TMC1: variants seen among roughly 807,000 people sequenced by gnomAD.
TMC1 encodes the protein transmembrane channel like 1.
A neutral mutation model predicts 105.8 loss-of-function variants in TMC1; 84 were observed. The observed-to-expected ratio is 0.79, with a 90% CI of 0.67 to 0.95. The LOEUF is 0.95. TMC1 is among the 40% of genes least tolerant of loss of function. The pLI is 0.00. For missense variants in TMC1, 817 were observed against 914.1 expected (o/e 0.89, Z 1.37); for synonymous variants, 315 against 311.5 (o/e 1.01, Z -0.12).
intron 12 of TMC1, among the ~76,000 whole-genome samples, chr9:72,755,136 A>T (rs1380873368): frequency 4.0e-5 from 6 of 151,820 alleles, no homozygotes; most frequent in Non-Finnish European, 7.4e-5. Flanking sequence ...GAAAGAAAGA[A>T]ACATGTCCCT....
intron 2 of TMC1, among the ~76,000 whole-genome samples, chr9:72,592,494 T>A (rs1251579204): frequency 1.3e-5 from 2 of 152,194 alleles, no homozygotes; most frequent in Admixed American, 6.5e-5. Context: ...TGCTGTGAGC[T>A]CTCCTTGGGA....
intron 13 of TMC1, among the ~76,000 whole-genome samples, chr9:72,775,153 G>A (rs1373073047): frequency 1.3e-5 from 2 of 152,092 alleles, no homozygotes; most frequent in South Asian, 2.1e-4. Context: ...TGAAAGTCTT[G>A]CATTTGAGAA....
rs144510692 is a variant in TMC1 at position 72,768,738 on chromosome 9, C to T, written c.742-3675C>T. 4.6e-3 allele frequency among the ~76,000 whole-genome samples: 706 copies of T among 152,178 alleles called. 6 individuals carry two copies. The highest frequency in any genetic ancestry group is 0.015 in the African/African-American group (626 of 41,522). On this transcript the variant is annotated intron_variant, in intron 12 of 23. Transcript: ENST00000297784. The stretch of plus-strand genomic sequence containing the variant: ...GTACCTATGCCAGATGAGCTGGCTG[C>T]CCCCAGTAGCTATTGTGCTAACCTA...
chr9:72,581,071 A>G (rs979297217), intron 2 of TMC1, among the ~76,000 whole-genome samples: 1 of 152,238 alleles, frequency 6.6e-6, no homozygotes, highest in Non-Finnish European at 1.5e-5. Flanking sequence ...TAACTTCAAA[A>G]GAATTTTTAT....
At chr9:72,790,574 T>A (rs1360775473) in intron 15 of TMC1, among the ~76,000 whole-genome samples, 11 of 152,148 alleles carry the variant, frequency 7.2e-5, no homozygotes, top group Non-Finnish European at 1.6e-4. Flanking sequence ...TTGGTTATGT[T>A]TTTGTATAAA....
intron 20 of TMC1, among the ~76,000 whole-genome samples, chr9:72,825,042 A>G (rs760355088): frequency 5.9e-5 from 9 of 152,232 alleles, no homozygotes; most frequent in Non-Finnish European, 1.2e-4. Context: ...TGCTTTATGC[A>G]TCTATTTTTC....
intron 13 of TMC1, among the ~76,000 whole-genome samples, chr9:72,781,074 C>A (rs1828087631): frequency 6.6e-6 from 1 of 152,156 alleles, no homozygotes; most frequent in Admixed American, 6.6e-5. Flanking sequence ...ACTCATAAAG[C>A]AATTCTCAGC....
rs1307556703 is a variant in TMC1 at position 72,791,896 on chromosome 9, T to A, written c.1235T>A (p.Val412Asp). 1 of 1,612,316 alleles carries A rather than the reference T, an allele frequency of 6.2e-7. No individual in the cohort carries two copies. The highest frequency in any genetic ancestry group is 1.3e-5 in the African/African-American group (1 of 74,900). ...GWWEKNEMNMVMSLLGMFCPT... is the reference protein window; with the variant it reads ...GWWEKNEMNMDMSLLGMFCPT... ...TGTGCCTCCTTGTAGATGAACATGG[T>A]TATGTCCCTCCTAGGGATGTTCTGT... The change falls in exon 16 of 24, where the codon GTT becomes GAT. Residue 412 changes from valine (V) to aspartate (D), a missense_variant. Physicochemically the swap from Val to Asp is radical, Grantham distance 152. Coordinates refer to ENST00000297784, the MANE Select transcript of TMC1 (RefSeq NM_138691.3).
intron 10 of TMC1, among the ~76,000 whole-genome samples, chr9:72,743,573 A>AG (rs1341675505): frequency 6.7e-6 from 1 of 149,930 alleles, no homozygotes; most frequent in Non-Finnish European, 1.5e-5. Flanking sequence ...TTTCAAAAAA[A>AG]AAAAAAAAGA....
At chr9:72,689,232 C>T (rs1826422658) in intron 6 of TMC1, among the ~76,000 whole-genome samples, 1 of 152,056 alleles carries the variant, frequency 6.6e-6, no homozygotes. Flanking sequence ...CCTCTCTAAG[C>T]ATGCATTTCT....
intron 5 of TMC1, among the ~76,000 whole-genome samples, chr9:72,654,996 A>G (rs1171152291): frequency 6.6e-6 from 1 of 152,176 alleles, no homozygotes; most frequent in Non-Finnish European, 1.5e-5. Context: ...GTCTCCATCT[A>G]AATCTTATCT....
chr9:72,621,417 A>G (rs1310169429), intron 3 of TMC1, among the ~76,000 whole-genome samples: 2 of 152,196 alleles, frequency 1.3e-5, no homozygotes, highest in Admixed American at 6.5e-5. Context: ...GTGAGAGGAC[A>G]TCGTGAATAT....
intron 18 of TMC1, among the ~76,000 whole-genome samples, chr9:72,814,408 A>G (rs1207988417): frequency 6.6e-6 from 1 of 152,128 alleles, no homozygotes; most frequent in Non-Finnish European, 1.5e-5. Context: ...TTTTTTTTCC[A>G]TTGATGATTT....
chr9:72,538,471 C>T (rs779240970), intron 1 of TMC1, among the ~76,000 whole-genome samples: 2 of 141,016 alleles, frequency 1.4e-5, no homozygotes, highest in East Asian at 4.0e-4. Flanking sequence ...GAGCCTTGCT[C>T]TGTCATCCAG....
intron 4 of TMC1, among the ~76,000 whole-genome samples, chr9:72,645,682 C>T (rs1034274774): frequency 2.6e-5 from 4 of 152,130 alleles, no homozygotes; most frequent in African/African-American, 4.8e-5. Flanking sequence ...TTCATTGTCA[C>T]GAAACAAGCT....
intron 13 of TMC1, among the ~76,000 whole-genome samples, chr9:72,774,034 A>G (rs1827970648): frequency 1.3e-5 from 2 of 152,170 alleles, no homozygotes; most frequent in Non-Finnish European, 2.9e-5. Context: ...TTATTAGGCT[A>G]TATTTTATTA....
At chr9:72,742,066 T>A (rs899763723) in intron 9 of TMC1, among the ~76,000 whole-genome samples, 6 of 152,140 alleles carry the variant, frequency 3.9e-5, no homozygotes, top group Admixed American at 1.3e-4. Flanking sequence ...ATTATTTATT[T>A]TATTTAATTA....
Position 72,835,937 on chromosome 9 carries a change from T to A in TMC1, c.2261-14T>A. On this transcript the variant is annotated splice_polypyrimidine_tract_variant and intron_variant, in intron 23 of 23. Coordinates refer to ENST00000297784, the MANE Select transcript of TMC1 (RefSeq NM_138691.3). The stretch of plus-strand genomic sequence containing the variant: ...CTTGTTTTTTTTTTTTTTTTTTTTC[T>A]GTTTTGTGAACAGCTGCAGCTGCTG... 2.0e-6 allele frequency: 3 copies of A among 1,523,144 alleles called. No homozygotes were observed. The highest frequency in any genetic ancestry group is 2.7e-6 in the Non-Finnish European group (3 of 1,124,794). 94.4% of individuals were successfully genotyped at this position (1,523,144 alleles called of 1,614,324 possible). A position where few individuals can be genotyped will look rare whatever the true frequency, so the allele number is the denominator to read the frequency against.
chr9:72,804,835 A>G (rs968426180), intron 17 of TMC1, among the ~76,000 whole-genome samples: 15 of 152,152 alleles, frequency 9.9e-5, no homozygotes, highest in Non-Finnish European at 2.2e-4. Context: ...CATTGTTTTC[A>G]TTTGTATTTT....
Sources: allele counts gnomAD v4.1 joint callset (sites outside exome capture counted in the v4.1 genomes callset), GRCh38; gene constraint gnomAD v4.1.1; transcripts MANE v1.5; gene names NCBI Gene and HGNC (gene_info 2026-07-23, HGNC 2026-07-21).